FRAS1: variants seen among roughly 807,000 people sequenced by gnomAD.
FRAS1 encodes extracellular matrix organizing protein FRAS1.
A neutral mutation model predicts 435.2 loss-of-function variants in FRAS1; 290 were observed. That is an observed-to-expected ratio of 0.67 (90% CI 0.61 to 0.73). FRAS1 has a LOEUF of 0.73. FRAS1 is among the 30% of genes least tolerant of loss of function. The pLI, the probability that FRAS1 is intolerant of heterozygous loss-of-function variation, is 0.00. For synonymous variants in FRAS1, 1,800 were observed against 1,851.0 expected, an observed-to-expected ratio of 0.97 and a Z score of 0.71; for missense variants, 4,860 against 5,001.5, an observed-to-expected ratio of 0.97 and a Z score of 0.85.
At chr4:78,342,426 G>A (rs2110272698) in intron 20 of FRAS1, among the ~76,000 whole-genome samples, 1 of 152,330 alleles carries the variant, frequency 6.6e-6, no homozygotes, top group East Asian at 1.9e-4. Flanking sequence ...GTGAGATTTA[G>A]GCCAGAGCTG....
intron 2 of FRAS1, among the ~76,000 whole-genome samples, chr4:78,146,500 A>G (rs1449665516): frequency 6.6e-6 from 1 of 151,906 alleles, no homozygotes; most frequent in Non-Finnish European, 1.5e-5. Flanking sequence ...AGAGCTTTTT[A>G]TTATAGAAAA....
intron 70 of FRAS1, among the ~76,000 whole-genome samples, chr4:78,529,635 C>T (rs1456669952): frequency 2.0e-5 from 3 of 152,084 alleles, no homozygotes; most frequent in Non-Finnish European, 4.4e-5. Flanking sequence ...TTCCAAGAGC[C>T]CCAGTGGGTG....
chr4:78,519,645 G>A (rs1721327098), intron 67 of FRAS1, among the ~76,000 whole-genome samples, 164 bp downstream of exon 67: 1 of 152,182 alleles, frequency 6.6e-6, no homozygotes, highest in Non-Finnish European at 1.5e-5. Flanking sequence ...TGAAAAGAAT[G>A]ATGTCCTTCT....
chr4:78,526,765 T>C, intron 70 of FRAS1, 108 bp downstream of exon 70: 1 of 693,706 alleles, frequency 1.4e-6, no homozygotes, highest in Non-Finnish European at 2.4e-6. Context: ...GCTTTCATAG[T>C]CATTCACTGA....
chr4:78,537,013 G>T lies in FRAS1; in HGVS notation c.11111G>T (p.Arg3704Leu), dbSNP rs141843124. ...AFSKGQILYG[R>L]VLWNPEQNLN... ...TTTTCAGGTCAAATCCTTTATGGCC[G>T]AGTACTTTGGAATCCAGAACAAAAT... is the stretch of plus-strand genomic sequence containing the variant. The change falls in exon 72 of 74, where the codon CGA becomes CTA. Residue 3704 changes from arginine (R) to leucine (L), a missense_variant. Coordinates refer to ENST00000512123, the MANE Select transcript of FRAS1 (RefSeq NM_025074.7). 1.5e-5 allele frequency: 25 copies of T among 1,613,628 alleles called. No individual in the cohort carries two copies. The highest frequency in any genetic ancestry group is 1.9e-5 in the Non-Finnish European group (23 of 1,179,788).
chr4:78,440,417 C>A (rs1007495413), intron 40 of FRAS1, among the ~76,000 whole-genome samples: 1 of 152,100 alleles, frequency 6.6e-6, no homozygotes, highest in African/African-American at 2.4e-5. Flanking sequence ...TTGGACTGTC[C>A]CCATTCCCAG....
In FRAS1 at chr4:78,083,626, G is replaced by GTTTTTTT. The variant is rs35633131; in HGVS notation, c.108+17623_108+17629dup. Among the ~76,000 whole-genome samples, 43 of 108,280 alleles carry GTTTTTTT rather than the reference G, an allele frequency of 4.0e-4. 2 individuals carry two copies. The highest frequency in any genetic ancestry group is 8.0e-4 in the African/African-American group (22 of 27,426). The allele number at this position is 108,280 out of a possible 152,430, so 71.0% of individuals were successfully genotyped here. Reference sequence around the variant, plus strand: ...TTATTTTTCATTACATGCAAGTTCTGTTTTTTTTTTTTTTTTTTTGCAAGA... The same window carrying GTTTTTTT: ...TTATTTTTCATTACATGCAAGTTCTGTTTTTTTTTTTTTTTTTTTTTTTTTTGCAAGA... On this transcript the variant is annotated intron_variant, in intron 2 of 73. Transcript: ENST00000512123.
rs59067988 is a variant in FRAS1, at chr4:78,470,883, A to C, written c.7371+792A>C. Among the ~76,000 whole-genome samples, 1,437 of 152,298 alleles carry C rather than the reference A, an allele frequency of 9.4e-3. 23 individuals are homozygous for C. The highest frequency in any genetic ancestry group is 0.033 in the African/African-American group (1,378 of 41,552). On this transcript the variant is annotated intron_variant, in intron 51 of 73. Transcript: ENST00000512123. ...TATTAAGCAAGTGATACAGAAATTG[A>C]ATACATCCCTTGCACTCATATTTAT...
intron 15 of FRAS1, 78 bp from the exon 16 acceptor site, chr4:78,315,516 G>A: frequency 7.0e-7 from 1 of 1,426,472 alleles, no homozygotes; most frequent in East Asian, 2.4e-5. Context: ...ACCCATTGTG[G>A]ATATTGTAAA....
Position 78,332,017 on chromosome 4 carries a change from T to G in FRAS1, c.2138-1255T>G, listed in dbSNP as rs550223803. 1.1e-3 allele frequency among the ~76,000 whole-genome samples: 161 copies of G among 152,200 alleles called. 2 individuals carry two copies. Among genetic ancestry groups the G allele is most frequent in the African/African-American group, 3.7e-3 (153 of 41,528 alleles). Reference sequence around the variant, plus strand: ...ATGGGGGGAACATGGGCAAGAGACTTTATTCTAACGTCAGTAGAAAGGAAT... The same window carrying G: ...ATGGGGGGAACATGGGCAAGAGACTGTATTCTAACGTCAGTAGAAAGGAAT... On this transcript the variant is annotated intron_variant, in intron 18 of 73. Transcript: ENST00000512123.
chr4:78,264,917 A>G (rs138039153), intron 6 of FRAS1, 108 bp from the exon 7 acceptor site: 26 of 721,466 alleles, frequency 3.6e-5, no homozygotes, highest in African/African-American at 3.3e-4. Context: ...AAGTGCTGTT[A>G]TAGATGCTTG....
chr4:78,303,470 T>C (rs1285522533), intron 14 of FRAS1, among the ~76,000 whole-genome samples: 2 of 152,230 alleles, frequency 1.3e-5, no homozygotes, highest in East Asian at 1.9e-4. Flanking sequence ...TTTCACGATA[T>C]TGATTCTTCC....
intron 9 of FRAS1, among the ~76,000 whole-genome samples, chr4:78,274,511 T>G (rs1403132337): frequency 1.3e-5 from 2 of 152,220 alleles, no homozygotes; most frequent in Non-Finnish European, 2.9e-5. Context: ...TCTGGTATGT[T>G]GTGTCTTTGT....
Position 78,131,128 on chromosome 4 carries a change from G to T in FRAS1, c.108+65112G>T, listed in dbSNP as rs115704444. On this transcript the variant is annotated intron_variant, in intron 2 of 73. Coordinates refer to ENST00000512123, the MANE Select transcript of FRAS1 (RefSeq NM_025074.7). ...CTCATCTGCTTTCATTGTGCCTTGG[G>T]GGAAATATTTTTTCAGAGGAAAATA... Among the ~76,000 whole-genome samples the T allele has an allele frequency of 2.5e-3, 378 of 152,058 alleles. 1 individual carries two copies. Among genetic ancestry groups the T allele is most frequent in the African/African-American group, 8.6e-3 (356 of 41,474 alleles).
intron 2 of FRAS1, among the ~76,000 whole-genome samples, chr4:78,187,167 A>G (rs1047135442): frequency 9.9e-5 from 15 of 152,206 alleles, no homozygotes; most frequent in Non-Finnish European, 4.4e-5. Flanking sequence ...CTGCAAAGCT[A>G]CTTGTATGTT....
At chr4:78,441,405 A>G in intron 41 of FRAS1, 108 bp downstream of exon 41, 1 of 1,049,098 alleles carries the variant, frequency 9.5e-7, no homozygotes. Flanking sequence ...GAGGAGGGGA[A>G]CCATTTCAAA....
chr4:78,494,318 T>C (rs1456235594), intron 59 of FRAS1, among the ~76,000 whole-genome samples: 1 of 152,168 alleles, frequency 6.6e-6, no homozygotes, highest in Non-Finnish European at 1.5e-5. Context: ...AAGGAATACC[T>C]GAGGCTGGGT....
intron 66 of FRAS1, among the ~76,000 whole-genome samples, chr4:78,516,744 A>G (rs1188179929): frequency 6.6e-6 from 1 of 152,206 alleles, no homozygotes; most frequent in Non-Finnish European, 1.5e-5. Context: ...AGAACAAGGA[A>G]AACTGCCTTA....
At chr4:78,209,022 G>A (rs1723388803) in intron 2 of FRAS1, among the ~76,000 whole-genome samples, 1 of 152,054 alleles carries the variant, frequency 6.6e-6, no homozygotes, top group Non-Finnish European at 1.5e-5. Flanking sequence ...GCACATGCCT[G>A]TGGTCCCAGC....
Sources: allele counts gnomAD v4.1 joint callset (sites outside exome capture counted in the v4.1 genomes callset), GRCh38; gene constraint gnomAD v4.1.1; transcripts MANE v1.5; gene names NCBI Gene and HGNC (gene_info 2026-07-23, HGNC 2026-07-21).